Variants in DCAF11 observed in about 807,000 individuals in gnomAD.
DCAF11 encodes DDB1- and CUL4-associated factor 11.
A neutral mutation model predicts 76.1 loss-of-function variants in DCAF11; 44 were observed. The ratio of observed to expected loss-of-function variants is 0.58; its 90% confidence interval spans 0.45 to 0.74. DCAF11 has a LOEUF of 0.74. Among genes scored for constraint, DCAF11 ranks in the 30% least tolerant of loss-of-function variants. The pLI, the probability that DCAF11 is intolerant of heterozygous loss-of-function variation, is 0.00. For missense variants in DCAF11, 604 were observed against 709.4 expected (o/e 0.85, Z 1.69); for synonymous variants, 258 against 255.0 (o/e 1.01, Z -0.11).
In DCAF11 at chr14:24,114,803, G is replaced by A. The variant is rs1013818314; in HGVS notation, c.-704G>A. 2.0e-5 allele frequency: 20 copies of A among 985,860 alleles called. No homozygotes were observed. The highest frequency in any genetic ancestry group is 2.4e-5 in the Non-Finnish European group (20 of 829,972). The allele number at this position is 985,860 out of a possible 1,614,324, so 61.1% of individuals were successfully genotyped here. On this transcript the variant is annotated 5_prime_UTR_variant, in exon 1 of 15. Transcript: ENST00000446197. ...TGTGACGTTTGCAGCCCGCCGGCCA[G>A]GAAGCCGCGAGATGCGTGACGAGCG... is the stretch of plus-strand genomic sequence containing the variant.
chr14:24,115,880 C>A, intron 2 of DCAF11, 131 bp downstream of exon 2: 1 of 1,191,966 alleles, frequency 8.4e-7, no homozygotes, highest in Non-Finnish European at 1.1e-6. Context: ...AGCTGAACAG[C>A]CTTTCCCTGC....
Position 24,117,090 on chromosome 14 carries a change from C to A in DCAF11, c.283+46C>A. 1 of 1,613,204 alleles carries A rather than the reference C, an allele frequency of 6.2e-7. No individual in the cohort carries two copies. Among genetic ancestry groups the A allele is most frequent in the Non-Finnish European group, 8.5e-7 (1 of 1,179,508 alleles). ...TGTTGGAAGACTTTTACTAGAAAAC[C>A]TTTTAGTGATATTTTGAATGATAGG... On this transcript the variant is annotated intron_variant, in intron 3 of 14. Coordinates refer to ENST00000446197, the MANE Select transcript of DCAF11 (RefSeq NM_025230.5). The surrounding 1 kb of genome is among the most constrained non-coding windows in gnomAD (Gnocchi z 4.3).
At position 24,118,062 on chromosome 14, in the gene DCAF11, C is replaced by T; in HGVS notation, c.484C>T (p.Pro162Ser). 1.9e-6 allele frequency: 3 copies of T among 1,608,268 alleles called. No individual in the cohort carries two copies. Among genetic ancestry groups the T allele is most frequent in the African/African-American group, 1.3e-5 (1 of 74,580 alleles). The change falls in exon 6 of 15, where the codon CCC (proline) becomes TCC (serine). Residue 162 changes from proline to serine, a missense_variant. Coordinates refer to ENST00000446197, the MANE Select transcript of DCAF11 (RefSeq NM_025230.5). ...TTCTCTCTCCTTCCCTAGCTTCTTG[C>T]CCAATGATCTGGGCTTCACTGATAG... ...EQSRVISHFLPNDLGFTDSYS... is the reference protein window; with the variant it reads ...EQSRVISHFLSNDLGFTDSYS...
chr14:24,114,981 C>T lies in DCAF11; in HGVS notation c.-526C>T, dbSNP rs375208902. On this transcript the variant is annotated 5_prime_UTR_variant, in exon 1 of 15. Transcript: ENST00000446197. ...GGCTTCAGTGGGAGGTGCTTCTCGG[C>T]TTCCTCCCCCTCATGGCGTACACAC... The T allele has an allele frequency of 5.1e-6, 5 of 985,956 alleles. No homozygotes were observed. Among genetic ancestry groups the T allele is most frequent in the African/African-American group, 1.7e-5 (1 of 57,386 alleles). The allele number at this position is 985,956 out of a possible 1,614,324, so 61.1% of individuals were successfully genotyped here. A position where few individuals can be genotyped will look rare whatever the true frequency, so the allele number is the denominator to read the frequency against.
Position 24,117,778 on chromosome 14 carries a change from T to C in DCAF11, c.476+46T>C. ...AGAGACTCTAAGGGCCAGATAGGTCTTATCTCCTAAACTTTGAAGGGGTAG... is the reference window on the plus strand; with the variant it reads ...AGAGACTCTAAGGGCCAGATAGGTCCTATCTCCTAAACTTTGAAGGGGTAG... On this transcript the variant is annotated intron_variant, in intron 5 of 14. Coordinates refer to ENST00000446197, the MANE Select transcript of DCAF11 (RefSeq NM_025230.5). The surrounding 1 kb of genome is among the most constrained non-coding windows in gnomAD (Gnocchi z 4.3). 1.3e-6 allele frequency: 2 copies of C among 1,589,038 alleles called. No homozygotes were observed. Among genetic ancestry groups the C allele is most frequent in the Non-Finnish European group, 1.7e-6 (2 of 1,160,428 alleles).
At chr14:24,120,063 G>A (rs1409398365) in intron 11 of DCAF11, among the ~76,000 whole-genome samples, 167 bp downstream of exon 11, 3 of 152,182 alleles carry the variant, frequency 2.0e-5, no homozygotes, top group African/African-American at 4.8e-5. Flanking sequence ...AATTCCATCT[G>A]TACTCACCAG....
At position 24,119,806 on chromosome 14, in the gene DCAF11, G is replaced by T. The variant is rs2037656260; in HGVS notation, c.1002G>T (p.Val334=). ...GGGGAGATGATGCCATCTGCAAAGTGTGGGATCGACGCACCATGCGGGAGG... is the reference window on the plus strand; with the variant it reads ...GGGGAGATGATGCCATCTGCAAAGTTTGGGATCGACGCACCATGCGGGAGG... ...FSGGDDAICK[V]WDRRTMREDD... The change falls in exon 11 of 15, where the codon GTG becomes GTT. Residue 334 remains valine (V), a synonymous_variant. Coordinates refer to ENST00000446197, the MANE Select transcript of DCAF11 (RefSeq NM_025230.5). 8 of 1,614,124 alleles carry T rather than the reference G, an allele frequency of 5.0e-6. 1 individual carries two copies. Among genetic ancestry groups the T allele is most frequent in the Non-Finnish European group, 6.8e-6 (8 of 1,180,052 alleles).
chr14:24,118,686 T>G (rs761577827), intron 7 of DCAF11, 64 bp from the exon 8 acceptor site: 55 of 1,604,162 alleles, frequency 3.4e-5, no homozygotes, highest in Non-Finnish European at 4.7e-5. Context: ...ATCTCTTCCC[T>G]AGCTTCACTT....
At chr14:24,116,643 C>A (rs1227808789) in intron 2 of DCAF11, among the ~76,000 whole-genome samples, 1 of 152,182 alleles carries the variant, frequency 6.6e-6, no homozygotes, top group Non-Finnish European at 1.5e-5. Context: ...TGGTCTTGCT[C>A]TTGTTCTAAG....
rs1331008977 is a variant in DCAF11, at chr14:24,117,403, T to C, written c.411+10T>C. 1.9e-6 allele frequency: 3 copies of C among 1,613,668 alleles called. No homozygotes were observed. Among genetic ancestry groups the C allele is most frequent in the Non-Finnish European group, 8.5e-7 (1 of 1,179,808 alleles). ...TCGAATGTTGCACCAGGTAGGCCTC[T>C]CCACCTCCCAGCCTGGCAGCAGGCC... On this transcript the variant is annotated intron_variant, in intron 4 of 14. Transcript: ENST00000446197. The surrounding 1 kb of genome is among the most constrained non-coding windows in gnomAD (Gnocchi z 4.3).
At position 24,115,365 on chromosome 14, in the gene DCAF11, CT is replaced by C; in HGVS notation, c.-213-14del. ...GGTAGCGCACTACGGTTCACTCTTG[CT>C]TTCTTTGCTTCACAGGATTGGAGAA... On this transcript the variant is annotated splice_polypyrimidine_tract_variant and intron_variant, in intron 1 of 14. Coordinates refer to ENST00000446197, the MANE Select transcript of DCAF11 (RefSeq NM_025230.5). 1 of 484,612 alleles carries C rather than the reference CT, an allele frequency of 2.1e-6. No homozygotes were observed. Among genetic ancestry groups the C allele is most frequent in the East Asian group, 3.8e-5 (1 of 26,580 alleles). The allele number at this position is 484,612 out of a possible 1,614,324, so 30.0% of individuals were successfully genotyped here.
rs975436748 is a variant in DCAF11 at position 24,118,406 on chromosome 14, A to G, written c.596A>G (p.Tyr199Cys). 3.1e-6 allele frequency: 5 copies of G among 1,614,104 alleles called. No individual in the cohort carries two copies. Among genetic ancestry groups the G allele is most frequent in the Non-Finnish European group, 4.2e-6 (5 of 1,180,044 alleles). ...SACQDQTIRL[Y>C]DCRYGRFRKF... ...TACACAGACCAGACAATCCGACTCT[A>G]TGACTGCCGATATGGCCGTTTCCGT... Residue 199 changes from tyrosine to cysteine, a missense_variant, in exon 7 of 15, where the codon TAT becomes TGT. By Grantham distance (194) the Tyr-to-Cys change is radical. Coordinates refer to ENST00000446197, the MANE Select transcript of DCAF11 (RefSeq NM_025230.5).
chr14:24,114,969 G>C lies in DCAF11; in HGVS notation c.-538G>C. 1 of 986,000 alleles carries C rather than the reference G, an allele frequency of 1.0e-6. No homozygotes were observed. Among genetic ancestry groups the C allele is most frequent in the South Asian group, 4.7e-5 (1 of 21,352 alleles). The allele number at this position is 986,000 out of a possible 1,614,324, so 61.1% of individuals were successfully genotyped here. A position where few individuals can be genotyped will look rare whatever the true frequency, so the allele number is the denominator to read the frequency against. On this transcript the variant is annotated 5_prime_UTR_variant, in exon 1 of 15. Coordinates refer to ENST00000446197, the MANE Select transcript of DCAF11 (RefSeq NM_025230.5). ...GCGGTTACCGCCGGCTTCAGTGGGAGGTGCTTCTCGGCTTCCTCCCCCTCA... is the reference window on the plus strand; with the variant it reads ...GCGGTTACCGCCGGCTTCAGTGGGACGTGCTTCTCGGCTTCCTCCCCCTCA...
At position 24,115,677 on chromosome 14, in the gene DCAF11, G is replaced by T; in HGVS notation, c.83G>T (p.Arg28Leu). 6.2e-7 allele frequency: 1 copy of T among 1,613,818 alleles called. No individual in the cohort carries two copies. Among genetic ancestry groups the T allele is most frequent in the East Asian group, 2.2e-5 (1 of 44,882 alleles). The change falls in exon 2 of 15, where the codon CGT becomes CTT. Residue 28 changes from arginine to leucine, a missense_variant. By Grantham distance (102) the Arg-to-Leu change is moderately radical. Coordinates refer to ENST00000446197, the MANE Select transcript of DCAF11 (RefSeq NM_025230.5). ...EGLPRRGAGL[R>L]RSEEEEEEDE... is the part of the protein sequence containing the mutation. ...TTGCCCCGAAGAGGGGCTGGCCTGC[G>T]TCGGAGTGAGGAAGAGGAAGAAGAG...
At chr14:24,116,704 C>T (rs780131265) in intron 2 of DCAF11, among the ~76,000 whole-genome samples, 1 of 152,136 alleles carries the variant, frequency 6.6e-6, no homozygotes, top group Non-Finnish European at 1.5e-5. Context: ...TAGTAGGTCA[C>T]GTCCACAGCA....
In DCAF11 at chr14:24,117,172, A is replaced by G. The variant is rs1594334620; in HGVS notation, c.284-94A>G. ...AATAAGGAGTCCTTACAGCCCCAGTATATTCAGCCACAGGGGTGGGCTTGG... is the reference window on the plus strand; with the variant it reads ...AATAAGGAGTCCTTACAGCCCCAGTGTATTCAGCCACAGGGGTGGGCTTGG... On this transcript the variant is annotated intron_variant, in intron 3 of 14. Coordinates refer to ENST00000446197, the MANE Select transcript of DCAF11 (RefSeq NM_025230.5). This position sits in a 1 kb window ranked among gnomAD's most constrained non-coding sequence, Gnocchi z 4.3. 4 of 1,602,712 alleles carry G rather than the reference A, an allele frequency of 2.5e-6. No individual in the cohort carries two copies. The highest frequency in any genetic ancestry group is 3.4e-6 in the Non-Finnish European group (4 of 1,172,532).
At chr14:24,118,358 C>T (rs2037621867) in intron 6 of DCAF11, 30 bp from the exon 7 acceptor site, 2 of 1,612,432 alleles carry the variant, frequency 1.2e-6, no homozygotes, top group Non-Finnish European at 1.7e-6. Flanking sequence ...GAAACTGTCC[C>T]ATAATTCTGC....
In DCAF11 at chr14:24,115,139, G is replaced by A. The variant is rs1036110925; in HGVS notation, c.-368G>A. On this transcript the variant is annotated 5_prime_UTR_variant, in exon 1 of 15. Coordinates refer to ENST00000446197, the MANE Select transcript of DCAF11 (RefSeq NM_025230.5). The stretch of plus-strand genomic sequence containing the variant: ...GGTCGATAAGGTGGGGGCGTCGAGG[G>A]TCTTTGAGTCCTAAGGCTTCTAATT... 10 of 383,906 alleles carry A rather than the reference G, an allele frequency of 2.6e-5. No individual in the cohort carries two copies. Among genetic ancestry groups the A allele is most frequent in the Middle Eastern group, 1.3e-3 (1 of 760 alleles). 23.8% of individuals were successfully genotyped at this position (383,906 alleles called of 1,614,324 possible). A position where few individuals can be genotyped will look rare whatever the true frequency, so the allele number is the denominator to read the frequency against.
chr14:24,119,057 G>T (rs1594337166), intron 8 of DCAF11, 88 bp from the exon 9 acceptor site: 25 of 1,540,650 alleles, frequency 1.6e-5, no homozygotes, highest in Middle Eastern at 3.4e-4. Flanking sequence ...TTTCCCCTGG[G>T]GATGTGCCTT....
Sources: allele counts gnomAD v4.1 joint callset (sites outside exome capture counted in the v4.1 genomes callset), GRCh38; gene constraint gnomAD v4.1.1; non-coding constraint Gnocchi (gnomAD v3.1); transcripts MANE v1.5; gene names NCBI Gene and HGNC (gene_info 2026-07-23, HGNC 2026-07-21).